The following AGMO variants were observed in gnomAD, a reference collection of about 807,000 sequenced individuals.
AGMO encodes alkylglycerol monooxygenase.
A neutral mutation model predicts 60.2 loss-of-function variants in AGMO; 75 were observed. The ratio of observed to expected loss-of-function variants is 1.25; its 90% CI spans 1.03 to 1.51. The LOEUF is 1.51. Ranked by LOEUF, AGMO falls within the 40% of genes most tolerant of loss-of-function variation. AGMO has a pLI of 0.00. For missense variants in AGMO, 763 were observed against 525.5 expected (o/e 1.45, Z -4.42); for synonymous variants, 261 against 177.1 (o/e 1.47, Z -3.76).
At chr7:15,437,288 A>G (rs1381083623) in intron 3 of AGMO, among the ~76,000 whole-genome samples, 1 of 152,200 alleles carries the variant, frequency 6.6e-6, no homozygotes, top group Non-Finnish European at 1.5e-5. Context: ...GATAAAAATA[A>G]ATGGCATTAC....
intron 12 of AGMO, among the ~76,000 whole-genome samples, chr7:15,354,443 CACGTGTGTGTAT>C (rs1782416570): frequency 6.4e-4 from 12 of 18,868 alleles, no homozygotes; most frequent in South Asian, 3.2e-3. Flanking sequence ...TGTGTATACA[CACGTGTGTGTAT>C]ACACACGTGT....
At position 15,443,308 on chromosome 7, in the gene AGMO, C is replaced by G. The variant is rs901863183; in HGVS notation, c.410-12200G>C. On this transcript the variant is annotated intron_variant, in intron 3 of 12. Coordinates refer to ENST00000342526, the MANE Select transcript of AGMO (RefSeq NM_001004320.2). ...GTAAACATTCACCCCTAGATGCTGT[C>G]GTGGGGTTGGAGCCCCACAGCCTGC... Among the ~76,000 whole-genome samples the G allele has an allele frequency of 3.3e-5, 5 of 152,168 alleles. No homozygotes were observed. In the East Asian group the frequency reaches 9.7e-4, roughly 29 times the overall value.
chr7:15,317,489 AC>A (rs1388584305), intron 12 of AGMO, among the ~76,000 whole-genome samples: 1 of 152,140 alleles, frequency 6.6e-6, no homozygotes, highest in Admixed American at 6.6e-5. Context: ...GGATCAAATT[AC>A]ACTCACGTTG....
intron 10 of AGMO, among the ~76,000 whole-genome samples, chr7:15,382,199 TCAATA>T (rs1297297991): frequency 3.3e-5 from 5 of 152,166 alleles, no homozygotes; most frequent in Non-Finnish European, 7.4e-5. Flanking sequence ...ATGGCTTTTC[TCAATA>T]CATTATTCAA....
Position 15,259,890 on chromosome 7 carries a change from C to T in AGMO, c.1264-58531G>A, listed in dbSNP as rs185333068. Among the ~76,000 whole-genome samples, 6 of 23,916 alleles carry T rather than the reference C, an allele frequency of 2.5e-4. No homozygotes were observed. The East Asian group carries it at 5.4e-3, about 22-fold the overall frequency. 15.7% of individuals were successfully genotyped at this position (23,916 alleles called of 152,430 possible). A position where few individuals can be genotyped will look rare whatever the true frequency, so the allele number is the denominator to read the frequency against. On this transcript the variant is annotated intron_variant, in intron 12 of 12. Coordinates refer to ENST00000342526, the MANE Select transcript of AGMO (RefSeq NM_001004320.2). ...ATGCACAACTACCAAGCCAGCACTA[C>T]AAGAACTGCAAAAAAAAAAAAAAAA...
chr7:15,195,148 G>C, the AGMO span, among the ~76,000 whole-genome samples: 1 of 152,082 alleles, frequency 6.6e-6, no homozygotes, highest in Non-Finnish European at 1.5e-5. Context: ...GTGTAAAATA[G>C]GGATCTACCA....
chr7:15,350,849 C>T (rs1309022467), intron 12 of AGMO, among the ~76,000 whole-genome samples: 1 of 152,114 alleles, frequency 6.6e-6, no homozygotes, highest in East Asian at 1.9e-4. Context: ...ATGTGCTGAG[C>T]ATATGGAGAA....
intron 12 of AGMO, among the ~76,000 whole-genome samples, chr7:15,347,507 C>A (rs564090474): frequency 2.2e-4 from 34 of 152,084 alleles, no homozygotes; most frequent in African/African-American, 6.7e-4. Context: ...TCTGTCTCCT[C>A]TATATGTCTA....
chr7:15,224,724 C>T (rs1367594960), intron 12 of AGMO, among the ~76,000 whole-genome samples: 1 of 151,978 alleles, frequency 6.6e-6, no homozygotes, highest in African/African-American at 2.4e-5. Flanking sequence ...AACCACTTTC[C>T]TTTCCTAACT....
chr7:15,349,374 G>T (rs949913930), intron 12 of AGMO, among the ~76,000 whole-genome samples: 1 of 152,058 alleles, frequency 6.6e-6, no homozygotes, highest in Admixed American at 6.6e-5. Context: ...AAAATGTTTT[G>T]TCTACTTTGA....
chr7:15,395,538 A>G (rs986958055), intron 5 of AGMO, among the ~76,000 whole-genome samples: 1 of 152,200 alleles, frequency 6.6e-6, no homozygotes, highest in Admixed American at 6.5e-5. Flanking sequence ...GCATTTGTTT[A>G]GCGTTGTATA....
In AGMO at chr7:15,365,516, C is replaced by G; in HGVS notation, c.1261G>C (p.Glu421Gln). The change falls in exon 12 of 13, where the codon GAG (glutamate) becomes CAG (glutamine). Residue 421 changes from glutamate to glutamine, a missense_variant and splice_region_variant. Physicochemically the swap from Glu to Gln is conservative, Grantham distance 29. Transcript: ENST00000342526. ...PLVPSLSSAF[E>Q]IVFSICIAFW... ...GGCTACCTAAACAAATGTCTTACCT[C>G]AAAAGCAGATGACAATGAAGGGACA... The G allele has an allele frequency of 1.2e-6, 2 of 1,608,048 alleles. No individual in the cohort carries two copies. Among genetic ancestry groups the G allele is most frequent in the Non-Finnish European group, 1.7e-6 (2 of 1,175,448 alleles).
At chr7:15,385,679 A>T in intron 9 of AGMO, 117 bp from the exon 10 acceptor site, 1 of 685,744 alleles carries the variant, frequency 1.5e-6, no homozygotes, top group East Asian at 2.8e-5. Context: ...AAAGACAAAC[A>T]TAATTTTTAA....
At position 15,394,136 on chromosome 7, in the gene AGMO, G is replaced by GGAGTATT; in HGVS notation, c.646_652dup (p.Pro218GlnfsTer4). The stretch of plus-strand genomic sequence containing the variant: ...ACCATGATGAACCCTATGATGGCTA[G>GGAGTATT]GAGTATTAAGAATCAGTTCCAAAGG... On this transcript the variant is annotated frameshift_variant, in exon 6 of 13. Coordinates refer to ENST00000342526, the MANE Select transcript of AGMO (RefSeq NM_001004320.2). LOFTEE classifies it high-confidence loss of function. 2 of 1,612,196 alleles carry GGAGTATT rather than the reference G, an allele frequency of 1.2e-6. No individual in the cohort carries two copies. Among genetic ancestry groups the GGAGTATT allele is most frequent in the Non-Finnish European group, 1.7e-6 (2 of 1,178,630 alleles).
chr7:15,391,343 AT>A (rs1487444737), intron 6 of AGMO, among the ~76,000 whole-genome samples: 1 of 151,914 alleles, frequency 6.6e-6, no homozygotes, highest in Non-Finnish European at 1.5e-5. Flanking sequence ...CAGGAAGGAA[AT>A]TTTCTAGAGT....
At chr7:15,248,080 G>C (rs1017683274) in intron 12 of AGMO, among the ~76,000 whole-genome samples, 2 of 149,136 alleles carry the variant, frequency 1.3e-5, no homozygotes, top group African/African-American at 2.4e-5. Context: ...CATGAATGTA[G>C]CTGATGTAAG....
chr7:15,509,698 G>T (rs1474127372), intron 3 of AGMO, among the ~76,000 whole-genome samples: 1 of 152,018 alleles, frequency 6.6e-6, no homozygotes, highest in Non-Finnish European at 1.5e-5. Context: ...AGATATAGGA[G>T]AAACTACTCA....
At chr7:15,468,268 A>C (rs1782345138) in intron 3 of AGMO, among the ~76,000 whole-genome samples, 1 of 152,270 alleles carries the variant, frequency 6.6e-6, no homozygotes, top group South Asian at 2.1e-4. Flanking sequence ...TTTTGTTTTT[A>C]CTTTTCTCCT....
chr7:15,377,595 A>G (rs1050277987), intron 10 of AGMO, among the ~76,000 whole-genome samples: 1 of 152,136 alleles, frequency 6.6e-6, no homozygotes, highest in Admixed American at 6.6e-5. Flanking sequence ...AATCAGTATA[A>G]TTTATTTAGA....
Sources: allele counts gnomAD v4.1 joint callset (sites outside exome capture counted in the v4.1 genomes callset), GRCh38; gene constraint gnomAD v4.1.1; transcripts MANE v1.5; gene names NCBI Gene and HGNC (gene_info 2026-07-23, HGNC 2026-07-21).